The following PRPSAP1 variants were observed in gnomAD, a reference collection of about 807,000 sequenced individuals.
PRPSAP1 encodes the protein phosphoribosyl pyrophosphate synthetase associated protein 1.
In PRPSAP1, 31 loss-of-function variants were observed where a neutral mutation model predicts 39.4. The observed-to-expected ratio is 0.79, with a 90% CI of 0.59 to 1.06. The LOEUF (loss-of-function observed/expected upper bound fraction) is 1.06. PRPSAP1 is among the 50% of genes least tolerant of loss of function. The probability of loss-of-function intolerance (pLI) is 0.00; values close to 1 mark genes in which losing one functional copy is unlikely to be tolerated. For synonymous variants in PRPSAP1, 212 were observed against 192.6 expected (o/e 1.10, Z -0.83); for missense variants, 430 against 511.6 (o/e 0.84, Z 1.54).
At chr17:76,341,204 G>A (rs899537984) in intron 3 of PRPSAP1, among the ~76,000 whole-genome samples, 5 of 149,476 alleles carry the variant, frequency 3.3e-5, no homozygotes, top group Non-Finnish European at 7.4e-5. Flanking sequence ...GCAGACCAAC[G>A]AATTAGTGTT....
chr17:76,321,033 T>C (rs147239848), intron 7 of PRPSAP1, among the ~76,000 whole-genome samples: 1 of 152,234 alleles, frequency 6.6e-6, no homozygotes, highest in African/African-American at 2.4e-5. Context: ...TCCTGGCACT[T>C]TGGCCTCCCA....
At chr17:76,331,140 T>C (rs1236572381) in intron 4 of PRPSAP1, among the ~76,000 whole-genome samples, 1 of 152,208 alleles carries the variant, frequency 6.6e-6, no homozygotes, top group South Asian at 2.1e-4. Flanking sequence ...GAATAATTTC[T>C]GTATGTAACA....
intron 3 of PRPSAP1, among the ~76,000 whole-genome samples, chr17:76,334,916 A>T (rs574062867): frequency 6.6e-6 from 1 of 152,288 alleles, no homozygotes; most frequent in Non-Finnish European, 1.5e-5. Flanking sequence ...TTCATCATCC[A>T]TGCAACACAT....
At chr17:76,341,234 G>GTTTTTTTTTTTTTTTTT in intron 3 of PRPSAP1, among the ~76,000 whole-genome samples, 1 of 119,976 alleles carries the variant, frequency 8.3e-6, no homozygotes, top group Non-Finnish European at 1.7e-5. Context: ...ACTTTTTTTT[G>GTTTTTTTTTTTTTTTTT]TTTTTTTTTT....
Position 76,353,642 on chromosome 17 carries a change from C to A in PRPSAP1, c.62G>T (p.Arg21Leu). 1.3e-6 allele frequency: 2 copies of A among 1,534,740 alleles called. No individual in the cohort carries two copies. Among genetic ancestry groups the A allele is most frequent in the Non-Finnish European group, 1.7e-6 (2 of 1,146,540 alleles). The part of the protein sequence containing the change: ...PSASSAFRVP[R>L]ARPVPPPAMN... ...GGCCGGCGGGGGAACGGGGCGGGCG[C>A]GCGGGACGCGGAAAGCCGAGGACGC... is the stretch of plus-strand genomic sequence containing the variant. The change falls in exon 1 of 10, where the codon CGC becomes CTC. Residue 21 changes from arginine to leucine, a missense_variant. Arg to Leu is a moderately radical substitution (Grantham distance 102, BLOSUM62 -2). Around this residue, in one of 2 missense-constraint regions of PRPSAP1, gnomAD observed 152 missense variants for 135.2 expected, o/e 1.12. Transcript: ENST00000446526.
At position 76,353,608 on chromosome 17, in the gene PRPSAP1, G is replaced by C. The variant is rs766869956; in HGVS notation, c.96C>G (p.Ala32=). Residue 32 remains alanine, a synonymous_variant, in exon 1 of 10, where the codon GCC becomes GCG. Coordinates refer to ENST00000446526, the MANE Select transcript of PRPSAP1 (RefSeq NM_002766.3). ...ARPVPPPAMN[A]ARTGYRVFSA... ...AGAAGACTCGGTAGCCGGTGCGAGC[G>C]GCGTTCATGGCCGGCGGGGGAACGG... 6.4e-7 allele frequency: 1 copy of C among 1,556,940 alleles called. No homozygotes were observed. Among genetic ancestry groups the C allele is most frequent in the Non-Finnish European group, 8.6e-7 (1 of 1,156,758 alleles).
At chr17:76,330,381 T>G in intron 5 of PRPSAP1, 170 bp downstream of exon 5, 1 of 624,672 alleles carries the variant, frequency 1.6e-6, no homozygotes, top group South Asian at 2.2e-5. Context: ...TTAGTGTCTT[T>G]TAAAGCTATG....
Position 76,312,963 on chromosome 17 carries a change from T to C in PRPSAP1, c.906A>G (p.Lys302=). 6.2e-7 allele frequency: 1 copy of C among 1,614,118 alleles called. No homozygotes were observed. Residue 302 remains lysine (K), a synonymous_variant, in exon 9 of 10, where the codon AAA becomes AAG. Coordinates refer to ENST00000446526, the MANE Select transcript of PRPSAP1 (RefSeq NM_002766.3). The stretch of plus-strand genomic sequence containing the variant: ...CATAGATCTTATAGGCGCCTCTCTC[T>C]TTCAGGATCTCCGCGGCAGCAACAA... ...ESFVAAAEIL[K]ERGAYKIYVM... is the part of the protein sequence containing the mutation.
chr17:76,332,444 G>A lies in PRPSAP1; in HGVS notation c.291-9C>T. On this transcript the variant is annotated splice_polypyrimidine_tract_variant and intron_variant, in intron 3 of 9. Coordinates refer to ENST00000446526, the MANE Select transcript of PRPSAP1 (RefSeq NM_002766.3). ...CAGCTGTATTCACATCTCTGAAACA[G>A]TCAAAGTTTGTATTTGGGGATTAAT... 1 of 1,613,204 alleles carries A rather than the reference G, an allele frequency of 6.2e-7. No individual in the cohort carries two copies. The highest frequency in any genetic ancestry group is 8.5e-7 in the Non-Finnish European group (1 of 1,179,316).
chr17:76,350,846 A>C (rs538595998), intron 1 of PRPSAP1, among the ~76,000 whole-genome samples: 144 of 152,312 alleles, frequency 9.5e-4, no homozygotes, highest in South Asian at 1.0e-3. Context: ...CAGCCTGACC[A>C]ACATGGAGAA....
intron 7 of PRPSAP1, among the ~76,000 whole-genome samples, chr17:76,322,299 G>A (rs2143475004): frequency 6.6e-6 from 1 of 152,272 alleles, no homozygotes; most frequent in East Asian, 1.9e-4. Flanking sequence ...GGGAAGCTGA[G>A]GCAGGAGAAT....
intron 7 of PRPSAP1, among the ~76,000 whole-genome samples, chr17:76,315,164 A>G (rs946736497): frequency 6.6e-6 from 1 of 152,252 alleles, no homozygotes; most frequent in Non-Finnish European, 1.5e-5. Flanking sequence ...ATCTGAAGAA[A>G]GGCTATGAGT....
intron 7 of PRPSAP1, among the ~76,000 whole-genome samples, chr17:76,318,277 A>G (rs1324251755): frequency 6.6e-6 from 1 of 152,032 alleles, no homozygotes; most frequent in Non-Finnish European, 1.5e-5. Flanking sequence ...GTGAAACCCC[A>G]TCTCTACTAA....
chr17:76,314,084 A>T, intron 7 of PRPSAP1, 193 bp from the exon 8 acceptor site: 1 of 592,032 alleles, frequency 1.7e-6, no homozygotes, highest in Non-Finnish European at 3.0e-6. Context: ...AATAGAAGGC[A>T]TGCCATACAT....
Position 76,312,864 on chromosome 17 carries a change from C to G in PRPSAP1, c.999+6G>C, listed in dbSNP as rs1404007955. On this transcript the variant is annotated splice_donor_region_variant and intron_variant, in intron 9 of 9. Transcript: ENST00000446526. ...ATCTTGGCTCAAGATTTAGAAGCAG[C>G]CTGACCTCGTCTACGGAGGACTCCT... The G allele has an allele frequency of 6.2e-7, 1 of 1,602,808 alleles. No homozygotes were observed. Among genetic ancestry groups the G allele is most frequent in the Non-Finnish European group, 8.5e-7 (1 of 1,176,860 alleles).
At chr17:76,349,703 G>A (rs144094561) in intron 1 of PRPSAP1, among the ~76,000 whole-genome samples, 5,841 of 151,622 alleles carry the variant, frequency 0.039, 162 homozygotes, top group Non-Finnish European at 0.06. Context: ...AGAGGTTGCC[G>A]TGAGCCGAGA....
intron 7 of PRPSAP1, among the ~76,000 whole-genome samples, chr17:76,318,865 A>G: frequency 6.6e-6 from 1 of 152,184 alleles, no homozygotes; most frequent in Non-Finnish European, 1.5e-5. Context: ...AAATAATCTC[A>G]CCACATAAAA....
At chr17:76,329,052 G>T in intron 6 of PRPSAP1, 190 bp from the exon 7 acceptor site, 1 of 644,178 alleles carries the variant, frequency 1.6e-6, no homozygotes, top group Non-Finnish European at 2.4e-6. Context: ...GTTAGGGTTT[G>T]GGATTGTATC....
intron 7 of PRPSAP1, among the ~76,000 whole-genome samples, chr17:76,315,609 G>A (rs373615964): frequency 4.0e-5 from 6 of 151,624 alleles, no homozygotes; most frequent in South Asian, 2.1e-4. Context: ...TGGGGGGAGG[G>A]GGGTTTCAAA....
Sources: gnomAD v4.1 joint callset for allele counts (sites outside exome capture counted in the v4.1 genomes callset) on GRCh38, gnomAD v4.1.1 for gene constraint, gnomAD v4.1.1 regional missense constraint, MANE v1.5 for transcripts, NCBI Gene and HGNC (gene_info 2026-07-23, HGNC 2026-07-21) for gene names.